STXBP6: variants seen among roughly 807,000 people sequenced by gnomAD.
STXBP6 encodes syntaxin binding protein 6, also known as syntaxin-binding protein 6.
Under a neutral mutation model 26.9 loss-of-function variants are expected in STXBP6, and 21 were observed. The ratio of observed to expected loss-of-function variants is 0.78; its 90% CI spans 0.55 to 1.12. The LOEUF (loss-of-function observed/expected upper bound fraction) is 1.12, where lower values mean the gene tolerates loss of function less well. Ranked by LOEUF, STXBP6 falls within the 50% of genes most tolerant of loss-of-function variation. The pLI is 0.00. For missense variants in STXBP6, 232 were observed against 257.9 expected (o/e 0.90, Z 0.69); for synonymous variants, 97 against 92.6 (o/e 1.05, Z -0.27).
At chr14:24,919,694 C>G (rs961090824) in intron 2 of STXBP6, among the ~76,000 whole-genome samples, 1 of 151,990 alleles carries the variant, frequency 6.6e-6, no homozygotes, top group African/African-American at 2.4e-5. Context: ...GCCTCATACC[C>G]TTAATTTCTT....
chr14:24,983,389 C>A (rs538068404), intron 1 of STXBP6, among the ~76,000 whole-genome samples: 1 of 152,248 alleles, frequency 6.6e-6, no homozygotes, highest in Non-Finnish European at 1.5e-5. Flanking sequence ...AAATCTATTC[C>A]AACCATGTTC....
intron 2 of STXBP6, among the ~76,000 whole-genome samples, chr14:24,892,596 G>GC (rs2070832272): frequency 1.3e-5 from 2 of 151,922 alleles, no homozygotes; most frequent in Admixed American, 1.3e-4. Context: ...GGGACCCCCC[G>GC]CCCCCTCTCC....
In STXBP6 at chr14:24,925,730, T is replaced by C. The variant is rs145752490; in HGVS notation, c.154+48935A>G. Among the ~76,000 whole-genome samples, 335 of 152,252 alleles carry C rather than the reference T, an allele frequency of 2.2e-3. 1 individual carries two copies. Among genetic ancestry groups the C allele is most frequent in the Middle Eastern group, 0.02 (6 of 294 alleles). On this transcript the variant is annotated intron_variant, in intron 2 of 5. Transcript: ENST00000323944. ...ACAGTAATTGCTTAACTAGTTGACT[T>C]TGGAATAAGCTTATATAATGGGTTT...
intron 1 of STXBP6, among the ~76,000 whole-genome samples, chr14:25,031,238 A>C (rs1457701428): frequency 2.0e-5 from 3 of 152,238 alleles, no homozygotes; most frequent in African/African-American, 7.2e-5. Flanking sequence ...AATGACCTTA[A>C]ACTGAAAAAT....
At chr14:24,908,746 C>A (rs1046635909) in intron 2 of STXBP6, among the ~76,000 whole-genome samples, 5 of 152,174 alleles carry the variant, frequency 3.3e-5, no homozygotes, top group Admixed American at 2.0e-4. Flanking sequence ...TCCAGGAACA[C>A]CAGACTAGCA....
intron 2 of STXBP6, among the ~76,000 whole-genome samples, chr14:24,907,889 T>C (rs1273609068): frequency 6.6e-6 from 1 of 152,154 alleles, no homozygotes; most frequent in Non-Finnish European, 1.5e-5. Context: ...GGTCTCTGTC[T>C]TGGCTACACT....
At chr14:25,013,466 TCA>T (rs3219652) in intron 1 of STXBP6, among the ~76,000 whole-genome samples, 6,193 of 142,910 alleles carry the variant, frequency 0.043, 114 homozygotes, top group Middle Eastern at 0.074. Context: ...CATCTCTCTT[TCA>T]CACACACACA....
intron 2 of STXBP6, among the ~76,000 whole-genome samples, chr14:24,871,553 G>C (rs1268556902): frequency 6.6e-6 from 1 of 152,070 alleles, no homozygotes; most frequent in East Asian, 1.9e-4. Context: ...ATGCTGTCAG[G>C]GGCCAAAGGT....
intron 2 of STXBP6, among the ~76,000 whole-genome samples, chr14:24,859,860 C>T (rs2069469816): frequency 1.3e-5 from 2 of 152,304 alleles, no homozygotes; most frequent in South Asian, 2.1e-4. Flanking sequence ...GTAGACCACT[C>T]TGAAGCAGCC....
intron 2 of STXBP6, among the ~76,000 whole-genome samples, chr14:24,880,155 C>A (rs759804205): frequency 6.6e-6 from 1 of 152,144 alleles, no homozygotes; most frequent in Non-Finnish European, 1.5e-5. Context: ...CTAAAGGGTG[C>A]TGGGAAAACA....
At chr14:24,833,204 G>A (rs1266826740) in intron 4 of STXBP6, among the ~76,000 whole-genome samples, 1 of 152,118 alleles carries the variant, frequency 6.6e-6, no homozygotes, top group African/African-American at 2.4e-5. Context: ...TATGAGCATG[G>A]CACCTGCACA....
At chr14:25,038,950 C>T (rs1368152542) in intron 1 of STXBP6, among the ~76,000 whole-genome samples, 7 of 152,104 alleles carry the variant, frequency 4.6e-5, no homozygotes, top group African/African-American at 1.4e-4. Context: ...TACTGTACAA[C>T]ACCATGATTA....
intron 2 of STXBP6, among the ~76,000 whole-genome samples, chr14:24,942,503 G>C (rs1167116001): frequency 6.6e-6 from 1 of 152,198 alleles, no homozygotes; most frequent in East Asian, 1.9e-4. Flanking sequence ...GGGCCACACT[G>C]AGTGGAAGTC....
intron 2 of STXBP6, among the ~76,000 whole-genome samples, chr14:24,921,087 TTAG>T (rs1377703372): frequency 6.6e-6 from 1 of 152,158 alleles, no homozygotes; most frequent in Non-Finnish European, 1.5e-5. Context: ...TAACTGCCAC[TTAG>T]TAGGCAAGTT....
intron 4 of STXBP6, among the ~76,000 whole-genome samples, chr14:24,854,788 T>C (rs369585931): frequency 5.3e-5 from 8 of 152,246 alleles, no homozygotes; most frequent in South Asian, 2.1e-4. Flanking sequence ...AATAGGTCAG[T>C]GTTTGAAATT....
At chr14:24,953,274 G>A (rs2073231432) in intron 2 of STXBP6, among the ~76,000 whole-genome samples, 1 of 152,142 alleles carries the variant, frequency 6.6e-6, no homozygotes, top group Non-Finnish European at 1.5e-5. Flanking sequence ...ACGATCCAGG[G>A]TAACCTCAGC....
chr14:24,972,796 C>T (rs2073938477), intron 2 of STXBP6, among the ~76,000 whole-genome samples: 1 of 152,082 alleles, frequency 6.6e-6, no homozygotes, highest in African/African-American at 2.4e-5. Flanking sequence ...GTTTGAAGAC[C>T]AGCCTGGGCA....
chr14:25,020,077 C>T (rs1062229), intron 1 of STXBP6, among the ~76,000 whole-genome samples: 21,581 of 152,084 alleles, frequency 0.14, 1,899 homozygotes, highest in African/African-American at 0.25. Flanking sequence ...GTCTCCAACA[C>T]AGCTTCCTAC....
At chr14:24,960,828 C>A (rs74330991) in intron 2 of STXBP6, among the ~76,000 whole-genome samples, 1 of 152,148 alleles carries the variant, frequency 6.6e-6, no homozygotes, top group East Asian at 1.9e-4. Context: ...GGAAAAGGAA[C>A]GTCAGAGAGA....
Sources: allele counts gnomAD v4.1 joint callset (sites outside exome capture counted in the v4.1 genomes callset), GRCh38; gene constraint gnomAD v4.1.1; transcripts MANE v1.5; gene names NCBI Gene and HGNC (gene_info 2026-07-23, HGNC 2026-07-21).